Variants in TCF7L2 observed in about 807,000 individuals in gnomAD.
TCF7L2 encodes transcription factor 7-like 2.
TCF7L2 carries 23 observed loss-of-function variants against 77.9 expected under a neutral mutation model. The ratio of observed to expected loss-of-function variants is 0.30; its 90% confidence interval spans 0.21 to 0.42. The LOEUF (loss-of-function observed/expected upper bound fraction) is 0.42. Ranked by LOEUF, TCF7L2 falls within the 10% of genes least tolerant of loss-of-function variation. The pLI is 1.00. For synonymous variants in TCF7L2, 413 were observed against 340.2 expected, an observed-to-expected ratio of 1.21 and a Z score of -2.36; for missense variants, 654 against 793.1, an observed-to-expected ratio of 0.82 and a Z score of 2.11.
intron 5 of TCF7L2, among the ~76,000 whole-genome samples, chr10:113,040,767 T>C (rs1286738619): frequency 1.3e-5 from 2 of 152,238 alleles, no homozygotes; most frequent in Non-Finnish European, 2.9e-5. Context: ...ATTTTTAATG[T>C]ATTTTCTTAG....
In TCF7L2 at chr10:113,044,467, G is replaced by T. The variant is rs549374397; in HGVS notation, c.552+4341G>T. Among the ~76,000 whole-genome samples the T allele has an allele frequency of 1.4e-4, 21 of 152,320 alleles. No homozygotes were observed. The South Asian group carries it at 4.3e-3, about 32-fold the overall frequency. On this transcript the variant is annotated intron_variant, in intron 5 of 13. Transcript: ENST00000627217. ...GATGGGATGTTTGACCTGGATTGTG[G>T]ATGCTTGCTGGGACGTGGCATGTGT...
chr10:113,028,752 G>A (rs1034791437), intron 4 of TCF7L2, among the ~76,000 whole-genome samples: 2 of 152,174 alleles, frequency 1.3e-5, no homozygotes, highest in Non-Finnish European at 2.9e-5. Flanking sequence ...AACCTAATTA[G>A]AAAAATCAAG....
At chr10:113,110,274 A>T (rs1424236968) in intron 5 of TCF7L2, among the ~76,000 whole-genome samples, 2 of 152,034 alleles carry the variant, frequency 1.3e-5, no homozygotes, top group East Asian at 3.8e-4. Flanking sequence ...AGGCCATCAC[A>T]GTCTGAATAA....
chr10:112,985,703 G>A (rs1386637095), intron 4 of TCF7L2, among the ~76,000 whole-genome samples: 1 of 152,180 alleles, frequency 6.6e-6, no homozygotes, highest in Non-Finnish European at 1.5e-5. Flanking sequence ...CTCGATTGGA[G>A]CCTCCTGGGG....
intron 5 of TCF7L2, among the ~76,000 whole-genome samples, chr10:113,045,290 T>C (rs2053232522): frequency 6.6e-6 from 1 of 152,150 alleles, no homozygotes; most frequent in South Asian, 2.1e-4. Flanking sequence ...AGAGGCTGTG[T>C]TACCCCTGTT....
chr10:113,083,426 G>A (rs150812823), intron 5 of TCF7L2, among the ~76,000 whole-genome samples: 24 of 152,174 alleles, frequency 1.6e-4, no homozygotes, highest in Admixed American at 5.9e-4. Context: ...ATCCCGGTCT[G>A]GGGAGGAACT....
chr10:112,951,023 T>A (rs1589558685), intron 1 of TCF7L2, 78 bp downstream of exon 1: 1 of 1,489,450 alleles, frequency 6.7e-7, no homozygotes, highest in African/African-American at 1.4e-5. Flanking sequence ...AGGGGAGAAA[T>A]CGGGGCTGGG....
At chr10:113,081,279 A>G (rs1031376268) in intron 5 of TCF7L2, among the ~76,000 whole-genome samples, 1 of 152,256 alleles carries the variant, frequency 6.6e-6, no homozygotes, top group Non-Finnish European at 1.5e-5. Flanking sequence ...GATTCTGCCC[A>G]GTAATGTTTA....
chr10:113,134,355 T>C (rs2067080189), intron 5 of TCF7L2, among the ~76,000 whole-genome samples: 1 of 152,248 alleles, frequency 6.6e-6, no homozygotes, highest in East Asian at 1.9e-4. Context: ...AGTGTTGGCC[T>C]GCTGGGTTGG....
chr10:113,040,898 A>C (rs561115019), intron 5 of TCF7L2, among the ~76,000 whole-genome samples: 1 of 152,236 alleles, frequency 6.6e-6, no homozygotes, highest in Non-Finnish European at 1.5e-5. Flanking sequence ...CTTTTGAAAT[A>C]ATTAATGGAA....
intron 6 of TCF7L2, 106 bp downstream of exon 6, chr10:113,141,422 G>A: frequency 6.6e-7 from 1 of 1,507,486 alleles, no homozygotes; most frequent in Non-Finnish European, 8.9e-7. Context: ...AGGGGACTTT[G>A]GGGGAACGGT....
At chr10:113,111,453 A>T (rs968876771) in intron 5 of TCF7L2, among the ~76,000 whole-genome samples, 1 of 152,184 alleles carries the variant, frequency 6.6e-6, no homozygotes, top group African/African-American at 2.4e-5. Flanking sequence ...TACTGTGTTT[A>T]TGGAAACAGC....
rs1009828382 is a variant in TCF7L2 at position 113,117,700 on chromosome 10, C to T, written c.553-23484C>T. On this transcript the variant is annotated intron_variant, in intron 5 of 13. Transcript: ENST00000627217. ...CGGCGGTCTGACAGCTAATAGATAT[C>T]TCTGCCCTCAATTGTTTAGACATTT... Among the ~76,000 whole-genome samples, 4 of 152,196 alleles carry T rather than the reference C, an allele frequency of 2.6e-5. No homozygotes were observed. The East Asian group carries it at 7.7e-4, about 29-fold the overall frequency.
chr10:113,066,472 A>G (rs1342249882), intron 5 of TCF7L2, among the ~76,000 whole-genome samples: 4 of 152,214 alleles, frequency 2.6e-5, no homozygotes, highest in Admixed American at 6.5e-5. Context: ...TGAATTTCAG[A>G]TGCGTAAAAA....
intron 5 of TCF7L2, among the ~76,000 whole-genome samples, chr10:113,070,171 C>T (rs1173250292): frequency 2.0e-5 from 3 of 151,004 alleles, no homozygotes; most frequent in Admixed American, 1.3e-4. Flanking sequence ...CAGGAGAATC[C>T]CTTGAACCAG....
At chr10:113,129,449 G>A (rs989239479) in intron 5 of TCF7L2, 57 of 1,007,412 alleles carry the variant, frequency 5.7e-5, no homozygotes, top group Non-Finnish European at 6.5e-5. Context: ...CTTCCTTCAC[G>A]GATTCTGTAG....
chr10:113,085,213 A>G (rs1591497356), intron 5 of TCF7L2, among the ~76,000 whole-genome samples: 1 of 147,568 alleles, frequency 6.8e-6, no homozygotes, highest in South Asian at 2.2e-4. Context: ...GGCCTGCACC[A>G]CCACATCTGG....
rs555704410 is a variant in TCF7L2 at position 112,951,069 on chromosome 10, C to T, written c.189+124C>T. On this transcript the variant is annotated intron_variant, in intron 1 of 13. Transcript: ENST00000627217. ...GGGCCCGGCGGGCGGCGTGTGCGTACGGTGCCACCATTGCAAAAACTTGTA... is the reference window on the plus strand; with the variant it reads ...GGGCCCGGCGGGCGGCGTGTGCGTATGGTGCCACCATTGCAAAAACTTGTA... The T allele has an allele frequency of 7.4e-5, 100 of 1,351,876 alleles. No homozygotes were observed. In the African/African-American group the frequency reaches 1.3e-3, roughly 18 times the overall value. The allele number at this position is 1,351,876 out of a possible 1,614,324, so 83.7% of individuals were successfully genotyped here.
chr10:113,142,695 G>A (rs2068590541), intron 6 of TCF7L2, among the ~76,000 whole-genome samples: 1 of 152,216 alleles, frequency 6.6e-6, no homozygotes, highest in East Asian at 1.9e-4. Context: ...GCGCTTGGAT[G>A]CCTGGTGGCC....
Sources: allele counts gnomAD v4.1 joint callset (sites outside exome capture counted in the v4.1 genomes callset), GRCh38; gene constraint gnomAD v4.1.1; transcripts MANE v1.5; gene names NCBI Gene and HGNC (gene_info 2026-07-23, HGNC 2026-07-21).